SETD2: variants seen among roughly 807,000 people sequenced by gnomAD.
SETD2 encodes histone-lysine N-methyltransferase SETD2.
Under a neutral mutation model 242.1 loss-of-function variants are expected in SETD2, and 31 were observed. That is an observed-to-expected ratio of 0.13 (90% CI 0.10 to 0.17). SETD2 has a LOEUF of 0.17. Ranked by LOEUF, SETD2 falls within the 10% of genes least tolerant of loss-of-function variation. SETD2 has a pLI of 1.00. For synonymous variants in SETD2, 1,006 were observed against 1,066.5 expected, an observed-to-expected ratio of 0.94 and a Z score of 1.11; for missense variants, 2,481 against 3,046.3, an observed-to-expected ratio of 0.81 and a Z score of 4.37.
intron 12 of SETD2, among the ~76,000 whole-genome samples, chr3:47,075,754 C>T (rs2107620893): frequency 6.6e-6 from 1 of 152,184 alleles, no homozygotes; most frequent in South Asian, 2.1e-4. Flanking sequence ...TAAGTTACAA[C>T]CTCATGGGCC....
chr3:47,093,149 T>C (rs2041871431), intron 9 of SETD2, among the ~76,000 whole-genome samples: 1 of 152,194 alleles, frequency 6.6e-6, no homozygotes. Context: ...TTGTCTATCT[T>C]TATGGAAATG....
Position 47,123,054 on chromosome 3 carries a change from T to C in SETD2, c.1582A>G (p.Lys528Glu), listed in dbSNP as rs1168018388. The part of the protein sequence containing the change: ...SKRTSENEAI[K>E]RCCSPPNELG... ...TCATTAGGGGGAGAACAACATCTTT[T>C]AATTGCTTCATTTTCTGAAGTCCTT... The change falls in exon 3 of 21, where the codon AAA becomes GAA. Residue 528 changes from lysine (K) to glutamate (E), a missense_variant. Coordinates refer to ENST00000409792, the MANE Select transcript of SETD2 (RefSeq NM_014159.7). The C allele has an allele frequency of 4.3e-6, 7 of 1,613,966 alleles. No individual in the cohort carries two copies. In the African/African-American group the frequency reaches 9.3e-5, roughly 22 times the overall value.
At position 47,121,149 on chromosome 3, in the gene SETD2, G is replaced by C. The variant is rs1269036911; in HGVS notation, c.3487C>G (p.Pro1163Ala). The C allele has an allele frequency of 1.2e-6, 2 of 1,614,100 alleles. No homozygotes were observed. Among genetic ancestry groups the C allele is most frequent in the Non-Finnish European group, 1.7e-6 (2 of 1,180,000 alleles). ...IDNRLPELSH[P>A]QSDGVDSTSH... The stretch of plus-strand genomic sequence containing the variant: ...GTACTATCAACCCCATCACTCTGAG[G>C]ATGAGAAAGTTCAGGCAGGCGATTA... Residue 1163 changes from proline (P) to alanine (A), a missense_variant, in exon 3 of 21, where the codon CCT becomes GCT. Coordinates refer to ENST00000409792, the MANE Select transcript of SETD2 (RefSeq NM_014159.7).
intron 2 of SETD2, among the ~76,000 whole-genome samples, chr3:47,126,396 G>C (rs1294993570): frequency 6.6e-6 from 1 of 152,166 alleles, no homozygotes; most frequent in Non-Finnish European, 1.5e-5. Flanking sequence ...GATATTTTTA[G>C]AACTTCCAAC....
intron 1 of SETD2, among the ~76,000 whole-genome samples, chr3:47,140,380 A>C (rs2043698375): frequency 6.6e-6 from 1 of 152,246 alleles, no homozygotes; most frequent in African/African-American, 2.4e-5. Context: ...AGTGTTGAAG[A>C]CTATTGTATT....
At position 47,057,309 on chromosome 3, in the gene SETD2, C is replaced by T. The variant is rs1474422525; in HGVS notation, c.6475G>A (p.Ala2159Thr). 6.2e-7 allele frequency: 1 copy of T among 1,614,176 alleles called. No individual in the cohort carries two copies. Among genetic ancestry groups the T allele is most frequent in the Non-Finnish European group, 8.5e-7 (1 of 1,180,042 alleles). ...TAACCAGCAAAGGGATGATGCGGGG[C>T]ATTATAACCAAGAGAGTCATAGGGC... ...PLPYDSLGYN[A>T]PHHPFAGYPP... The change falls in exon 15 of 21, where the codon GCC (alanine) becomes ACC (threonine). Residue 2159 changes from alanine to threonine, a missense_variant. Coordinates refer to ENST00000409792, the MANE Select transcript of SETD2 (RefSeq NM_014159.7).
chr3:47,128,769 T>C (rs2043408886), intron 1 of SETD2, among the ~76,000 whole-genome samples: 2 of 152,218 alleles, frequency 1.3e-5, no homozygotes, highest in South Asian at 2.1e-4. Flanking sequence ...AATGGTATAA[T>C]AGTTTTAACT....
chr3:47,114,045 C>G (rs370810141), intron 4 of SETD2, 41 bp from the exon 5 acceptor site: 1 of 1,580,738 alleles, frequency 6.3e-7, no homozygotes, highest in Non-Finnish European at 8.6e-7. Context: ...TTTAAAGCAG[C>G]AAAAGAACCA....
At chr3:47,074,562 C>T (rs1214432072) in intron 12 of SETD2, among the ~76,000 whole-genome samples, 1 of 152,128 alleles carries the variant, frequency 6.6e-6, no homozygotes, top group African/African-American at 2.4e-5. Flanking sequence ...CCTCCTAGTT[C>T]ACTGCCTCTA....
chr3:47,045,412 G>T (rs1331270041), intron 16 of SETD2, among the ~76,000 whole-genome samples: 1 of 151,830 alleles, frequency 6.6e-6, no homozygotes, highest in African/African-American at 2.4e-5. Context: ...CAGCTACTCA[G>T]GAGGCTGAGG....
At chr3:47,095,399 G>C (rs998676142) in intron 9 of SETD2, among the ~76,000 whole-genome samples, 1 of 152,210 alleles carries the variant, frequency 6.6e-6, no homozygotes, top group African/African-American at 2.4e-5. Context: ...CTCCCAAAGG[G>C]CTGAGATTAC....
Position 47,122,781 on chromosome 3 carries a change from T to C in SETD2, c.1855A>G (p.Asn619Asp), listed in dbSNP as rs1398723100. The C allele has an allele frequency of 1.2e-6, 2 of 1,611,206 alleles. No homozygotes were observed. The highest frequency in any genetic ancestry group is 1.3e-5 in the African/African-American group (1 of 74,644). The change falls in exon 3 of 21, where the codon AAT becomes GAT. Residue 619 changes from asparagine (N) to aspartate (D), a missense_variant. Physicochemically the swap from Asn to Asp is conservative, Grantham distance 23. Transcript: ENST00000409792. Reference protein sequence around the residue: ...REKAGSPAPSNRLNDSPTLKK... With the variant: ...REKAGSPAPSDRLNDSPTLKK... Reference sequence around the variant, plus strand: ...AAAGTAGGTGAATCATTTAATCGATTTGATGGAGCTGGAGACCCAGCCTTT... The same window carrying C: ...AAAGTAGGTGAATCATTTAATCGATCTGATGGAGCTGGAGACCCAGCCTTT...
rs2106868667 is a variant in SETD2 at position 47,163,907 on chromosome 3, C to T, written c.18G>A (p.Pro6=). ...AATCCCCCATCTTCGGAGGCGGCTG[C>T]GGCTGCAGCTGCTTCATCGGGAGCG... is the stretch of plus-strand genomic sequence containing the variant. MKQLQ[P]QPPPKMGDFY... is the part of the protein sequence containing the mutation. Residue 6 remains proline, a synonymous_variant, in exon 1 of 21, where the codon CCG becomes CCA. Coordinates refer to ENST00000409792, the MANE Select transcript of SETD2 (RefSeq NM_014159.7). The T allele has an allele frequency of 2.3e-6, 3 of 1,313,798 alleles. No individual in the cohort carries two copies. Among genetic ancestry groups the T allele is most frequent in the Non-Finnish European group, 2.9e-6 (3 of 1,026,138 alleles). 81.4% of individuals were successfully genotyped at this position (1,313,798 alleles called of 1,614,324 possible). A position where few individuals can be genotyped will look rare whatever the true frequency, so the allele number is the denominator to read the frequency against.
chr3:47,123,416 G>C lies in SETD2; in HGVS notation c.1220C>G (p.Ser407Cys), dbSNP rs1341284759. The change falls in exon 3 of 21, where the codon TCT (serine) becomes TGT (cysteine). Residue 407 changes from serine (S) to cysteine (C), a missense_variant. By Grantham distance (112) the Ser-to-Cys change is moderately radical. Transcript: ENST00000409792. The part of the protein sequence containing the change: ...ERERRRSRSH[S>C]RSERGSRTNL... ...AGTTCTAGAGCCTCTCTCAGACCTA[G>C]AGTGAGATCTGCTCCGCCGTCGCTC... The C allele has an allele frequency of 7.1e-6, 11 of 1,551,664 alleles. No homozygotes were observed. Among genetic ancestry groups the C allele is most frequent in the African/African-American group, 5.5e-5 (4 of 73,172 alleles).
At chr3:47,157,914 G>A (rs2044163466) in intron 1 of SETD2, among the ~76,000 whole-genome samples, 1 of 151,284 alleles carries the variant, frequency 6.6e-6, no homozygotes, top group African/African-American at 2.4e-5. Context: ...AACTAACACT[G>A]TCCTAATTCT....
rs976297119 is a variant in SETD2, at chr3:47,084,364, G to A, written c.5416C>T (p.His1806Tyr). Residue 1806 changes from histidine to tyrosine, a missense_variant, in exon 12 of 21, where the codon CAC (histidine) becomes TAC (tyrosine). Transcript: ENST00000409792. Reference sequence around the variant, plus strand: ...ATATTTTTAGTAGGAATGGGCAAGTGTTCCAAAGTCTTTATAATCTGATTA... The same window carrying A: ...ATATTTTTAGTAGGAATGGGCAAGTATTCCAAAGTCTTTATAATCTGATTA... ...LQEEIIKTLE[H>Y]LPIPTKNMLE... The A allele has an allele frequency of 6.2e-7, 1 of 1,610,648 alleles. No individual in the cohort carries two copies. Among genetic ancestry groups the A allele is most frequent in the Non-Finnish European group, 8.5e-7 (1 of 1,178,114 alleles).
Position 47,123,145 on chromosome 3 carries a change from A to T in SETD2, c.1491T>A (p.Thr497=), listed in dbSNP as rs2043174323. 1 of 1,613,362 alleles carries T rather than the reference A, an allele frequency of 6.2e-7. No homozygotes were observed. Among genetic ancestry groups the T allele is most frequent in the East Asian group, 2.2e-5 (1 of 44,868 alleles). The change falls in exon 3 of 21, where the codon ACT becomes ACA. Residue 497 remains threonine (T), a synonymous_variant. Coordinates refer to ENST00000409792, the MANE Select transcript of SETD2 (RefSeq NM_014159.7). ...TTTCCATCTCTAAGTAAGAGGTCTC[A>T]GTTTTACAGTCCCGATCAGATTTAG... ...SYSKSDRDCK[T]ETSYLEMERR...
rs2107743148 is a variant in SETD2 at position 47,120,575 on chromosome 3, T to A, written c.4061A>T (p.Asp1354Val). The A allele has an allele frequency of 6.2e-7, 1 of 1,614,164 alleles. No homozygotes were observed. Among genetic ancestry groups the A allele is most frequent in the Non-Finnish European group, 8.5e-7 (1 of 1,180,022 alleles). Residue 1354 changes from aspartate (D) to valine (V), a missense_variant, in exon 3 of 21, where the codon GAT becomes GTT. Asp to Val is a radical substitution (Grantham distance 152). This residue lies in a region of SETD2 where 1,300 missense variants were observed against 1,259.2 expected (regional missense o/e 1.03). Coordinates refer to ENST00000409792, the MANE Select transcript of SETD2 (RefSeq NM_014159.7). Reference sequence around the variant, plus strand: ...TTTCTGAAGGGATAGAAGAAATTTATCGGACTGGTCTGAAAAATGGGATCC... The same window carrying A: ...TTTCTGAAGGGATAGAAGAAATTTAACGGACTGGTCTGAAAAATGGGATCC... ...QDGSHFSDQS[D>V]KFLLSLQKDK...
intron 14 of SETD2, among the ~76,000 whole-genome samples, chr3:47,059,427 G>GTT: frequency 7.1e-6 from 1 of 140,246 alleles, no homozygotes; most frequent in South Asian, 2.3e-4. Context: ...CAAATTTTTT[G>GTT]TTTTTTTTTT....
Sources: gnomAD v4.1 joint callset for allele counts (sites outside exome capture counted in the v4.1 genomes callset) on GRCh38, gnomAD v4.1.1 for gene constraint, gnomAD v4.1.1 regional missense constraint, MANE v1.5 for transcripts, NCBI Gene and HGNC (gene_info 2026-07-23, HGNC 2026-07-21) for gene names.